Variants in ATP13A5 observed in about 807,000 individuals in gnomAD.
The protein encoded by ATP13A5 is ATPase 13A5.
In ATP13A5, 149 loss-of-function variants were observed where a neutral mutation model predicts 150.2. The observed-to-expected ratio is 0.99, with a 90% CI of 0.87 to 1.14. The LOEUF is 1.14. Ranked by LOEUF, ATP13A5 falls within the 50% of genes most tolerant of loss-of-function variation. The pLI is 0.00. For missense variants in ATP13A5, 1,383 were observed against 1,449.3 expected (o/e 0.95, Z 0.74); for synonymous variants, 497 against 522.2 (o/e 0.95, Z 0.66).
intron 15 of ATP13A5, 134 bp from the exon 16 acceptor site, chr3:193,321,971 T>TTGTGTG (rs142234694): frequency 1.9e-6 from 2 of 1,030,908 alleles, no homozygotes; most frequent in Admixed American, 2.8e-5. Flanking sequence ...AACATTGATT[T>TTGTGTG]TGTGTGTGTG....
chr3:193,303,039 G>A (rs529758857), intron 23 of ATP13A5, among the ~76,000 whole-genome samples: 4 of 152,256 alleles, frequency 2.6e-5, no homozygotes, highest in South Asian at 2.1e-4. Context: ...TCTGAAGTTC[G>A]AATGCCACTG....
chr3:193,276,771 G>C lies in ATP13A5; in HGVS notation c.3375C>G (p.Phe1125Leu), dbSNP rs771113074. The change falls in exon 29 of 30, where the codon TTC becomes TTG. Residue 1125 changes from phenylalanine (F) to leucine (L), a missense_variant. Coordinates refer to ENST00000342358, the MANE Select transcript of ATP13A5 (RefSeq NM_198505.4). ...VLILVVALTQFCVAFFVEDSI... is the reference protein window; with the variant it reads ...VLILVVALTQLCVAFFVEDSI... ...TTACCTCTACAAAGAAAGCCACACA[G>C]AATTGGGTGAGGGCTACCACCAAAA... 3.1e-6 allele frequency: 5 copies of C among 1,612,378 alleles called. No individual in the cohort carries two copies. Among genetic ancestry groups the C allele is most frequent in the South Asian group, 2.2e-5 (2 of 90,860 alleles).
intron 16 of ATP13A5, among the ~76,000 whole-genome samples, chr3:193,320,212 A>C (rs1719209830): frequency 6.6e-6 from 1 of 152,158 alleles, no homozygotes; most frequent in South Asian, 2.1e-4. Context: ...TCCCTTCTGC[A>C]CCTTAGTTTC....
Position 193,299,160 on chromosome 3 carries a change from A to G in ATP13A5, c.2819T>C (p.Val940Ala), listed in dbSNP as rs1276147959. 4 of 1,610,212 alleles carry G rather than the reference A, an allele frequency of 2.5e-6. No individual in the cohort carries two copies. Among genetic ancestry groups the G allele is most frequent in the Non-Finnish European group, 2.5e-6 (3 of 1,178,538 alleles). Residue 940 changes from valine to alanine, a missense_variant, in exon 25 of 30, where the codon GTA becomes GCA. Physicochemically the swap from Val to Ala is moderately conservative, Grantham distance 64 (BLOSUM62 0). Around this residue, in one of 3 missense-constraint regions of ATP13A5, gnomAD observed 568 missense variants for 621.5 expected, o/e 0.91. Transcript: ENST00000342358. ...TAAACAGACCATCAAAGTAATGGCT[A>G]CATCTTGCATGAGATACTGGTAATT... is the stretch of plus-strand genomic sequence containing the variant. ...FGNYQYLMQD[V>A]AITLMVCLTM...
At chr3:193,348,799 C>G (rs1004147671) in intron 7 of ATP13A5, among the ~76,000 whole-genome samples, 1 of 152,170 alleles carries the variant, frequency 6.6e-6, no homozygotes, top group African/African-American at 2.4e-5. Context: ...CCTGCCAAAG[C>G]CCTTCCCCAA....
chr3:193,321,872 C>T, intron 15 of ATP13A5, 35 bp from the exon 16 acceptor site: 1 of 1,605,038 alleles, frequency 6.2e-7, no homozygotes, highest in Non-Finnish European at 8.5e-7. Context: ...GCTTAACAAG[C>T]TGCTAAGTGA....
chr3:193,320,772 A>ATTTG (rs1719239902), intron 16 of ATP13A5, among the ~76,000 whole-genome samples: 1 of 152,240 alleles, frequency 6.6e-6, no homozygotes, highest in African/African-American at 2.4e-5. Flanking sequence ...AATTTTATCC[A>ATTTG]AATGAACTCA....
intron 14 of ATP13A5, chr3:193,323,834 C>T (rs1052920943): frequency 2.0e-5 from 3 of 152,186 alleles, no homozygotes; most frequent in African/African-American, 4.8e-5. Context: ...GTATTAGCTT[C>T]TTTGTTAGGT....
At chr3:193,327,583 A>G (rs1304837926) in intron 12 of ATP13A5, among the ~76,000 whole-genome samples, 1 of 152,240 alleles carries the variant, frequency 6.6e-6, no homozygotes, top group Non-Finnish European at 1.5e-5. Flanking sequence ...GAGAAAGTAA[A>G]TGCTAATAAT....
At chr3:193,295,515 T>G (rs1718132067) in intron 25 of ATP13A5, among the ~76,000 whole-genome samples, 1 of 152,064 alleles carries the variant, frequency 6.6e-6, no homozygotes, top group African/African-American at 2.4e-5. Context: ...TATTTGTTCA[T>G]GTATGTGAAT....
intron 25 of ATP13A5, among the ~76,000 whole-genome samples, chr3:193,296,456 G>T (rs189344230): frequency 3.3e-5 from 5 of 152,074 alleles, no homozygotes; most frequent in African/African-American, 1.2e-4. Flanking sequence ...TTTCCCCGTT[G>T]CTTGTTTTTG....
chr3:193,342,411 C>T (rs945170718), intron 9 of ATP13A5, among the ~76,000 whole-genome samples: 3 of 152,048 alleles, frequency 2.0e-5, no homozygotes, highest in Admixed American at 6.6e-5. Context: ...GTATTTAGAC[C>T]AGACTGGGAT....
intron 24 of ATP13A5, among the ~76,000 whole-genome samples, 186 bp downstream of exon 24, chr3:193,301,025 C>T (rs1474337788): frequency 6.6e-6 from 1 of 152,196 alleles, no homozygotes; most frequent in African/African-American, 2.4e-5. Flanking sequence ...AACTCATCTA[C>T]ATGTACTTAT....
At position 193,362,625 on chromosome 3, in the gene ATP13A5, C is replaced by A. The variant is rs6797429; in HGVS notation, c.397G>T (p.Glu133Ter). 1.2e-6 allele frequency: 2 copies of A among 1,613,620 alleles called. No homozygotes were observed. Among genetic ancestry groups the A allele is most frequent in the African/African-American group, 2.7e-5 (2 of 74,874 alleles). ...IKPELKLRCM[E>*]VQKIRYVWND... ...CAAACATACCTGATTTTCTGCACTT[C>A]CATGCACCGCAGCTACGATTGCAAA... Residue 133 changes from glutamate to a stop codon, truncating the protein, a stop_gained, in exon 4 of 30, where the codon GAA becomes TAA. Transcript: ENST00000342358. LOFTEE classifies it high-confidence loss of function.
intron 7 of ATP13A5, among the ~76,000 whole-genome samples, chr3:193,348,485 C>T (rs1383065241): frequency 3.3e-5 from 5 of 152,186 alleles, no homozygotes; most frequent in Non-Finnish European, 5.9e-5. Flanking sequence ...TATGCACATA[C>T]AGTTCAATGC....
intron 5 of ATP13A5, among the ~76,000 whole-genome samples, chr3:193,358,480 T>C (rs370863813): frequency 6.6e-6 from 1 of 152,190 alleles, no homozygotes; most frequent in South Asian, 2.1e-4. Flanking sequence ...ACAAGATTGG[T>C]ATATTTTGAG....
intron 7 of ATP13A5, among the ~76,000 whole-genome samples, chr3:193,347,113 C>A (rs1712369955): frequency 6.6e-6 from 1 of 152,138 alleles, no homozygotes; most frequent in Admixed American, 6.6e-5. Flanking sequence ...AATGATATGA[C>A]ATTGATTTAT....
At position 193,354,200 on chromosome 3, in the gene ATP13A5, C is replaced by T. The variant is rs200906459; in HGVS notation, c.537-4G>A. 1,257 of 1,608,914 alleles carry T rather than the reference C, an allele frequency of 7.8e-4. 1 individual carries two copies. Among genetic ancestry groups the T allele is most frequent in the Non-Finnish European group, 9.7e-4 (1,142 of 1,178,314 alleles). On this transcript the variant is annotated splice_region_variant and splice_polypyrimidine_tract_variant and intron_variant, in intron 5 of 29. Transcript: ENST00000342358. ...GTTGGGCCCACACACTAATCTTCTGCGGGAAATTGATCATCCATTAGTGTC... is the reference window on the plus strand; with the variant it reads ...GTTGGGCCCACACACTAATCTTCTGTGGGAAATTGATCATCCATTAGTGTC...
chr3:193,354,289 T>C, intron 5 of ATP13A5, 93 bp from the exon 6 acceptor site: 1 of 1,117,922 alleles, frequency 8.9e-7, no homozygotes, highest in Non-Finnish European at 1.3e-6. Context: ...TTTCTACTCT[T>C]TGGAGATTTT....
Sources: allele counts gnomAD v4.1 joint callset (sites outside exome capture counted in the v4.1 genomes callset), GRCh38; gene constraint gnomAD v4.1.1; regional missense constraint gnomAD v4.1.1; transcripts MANE v1.5; gene names NCBI Gene and HGNC (gene_info 2026-07-23, HGNC 2026-07-21).